NUP210L: variants seen among roughly 807,000 people sequenced by gnomAD.
The protein encoded by NUP210L is nuclear pore membrane glycoprotein 210-like.
NUP210L carries 74 observed loss-of-function variants against 208.5 expected under a neutral mutation model. That is an observed-to-expected ratio of 0.35 (90% CI 0.29 to 0.43). The LOEUF is 0.43. Among genes scored for constraint, NUP210L ranks in the 20% least tolerant of loss-of-function variants. NUP210L has a pLI of 1.00. For missense variants in NUP210L, 1,843 were observed against 2,289.4 expected, an observed-to-expected ratio of 0.81 and a Z score of 3.98; for synonymous variants, 780 against 816.9, an observed-to-expected ratio of 0.95 and a Z score of 0.77.
intron 26 of NUP210L, 41 bp downstream of exon 26, chr1:154,046,248 T>A: frequency 6.2e-7 from 1 of 1,614,100 alleles, no homozygotes; most frequent in Non-Finnish European, 8.5e-7. Flanking sequence ...CCAGTTGCAA[T>A]TATCAGAATA....
At chr1:154,118,947 A>T in intron 10 of NUP210L, 139 bp from the exon 11 acceptor site, 1 of 449,088 alleles carries the variant, frequency 2.2e-6, no homozygotes, top group Non-Finnish European at 3.9e-6. Flanking sequence ...GAAATAAATA[A>T]ATATTTCTCT....
intron 14 of NUP210L, among the ~76,000 whole-genome samples, chr1:154,098,491 T>A (rs1275903720): frequency 1.3e-5 from 2 of 152,146 alleles, no homozygotes; most frequent in East Asian, 3.9e-4. Flanking sequence ...CTTTATTGAG[T>A]AACAGAATAG....
chr1:154,109,319 G>T (rs1290413105), intron 12 of NUP210L, among the ~76,000 whole-genome samples: 1 of 151,468 alleles, frequency 6.6e-6, no homozygotes, highest in African/African-American at 2.5e-5. Context: ...AATGATAAAG[G>T]GGTCAATTCA....
chr1:154,082,285 C>T (rs1244302890), intron 16 of NUP210L, among the ~76,000 whole-genome samples: 1 of 152,114 alleles, frequency 6.6e-6, no homozygotes, highest in African/African-American at 2.4e-5. Context: ...GGGAACTGTG[C>T]CTTTAAAACC....
intron 2 of NUP210L, among the ~76,000 whole-genome samples, chr1:154,149,085 C>CTATTTTTTTTTTTTTT (rs1272589191): frequency 1.2e-5 from 1 of 84,218 alleles, no homozygotes; most frequent in Non-Finnish European, 2.4e-5. Context: ...CAGAAAACTT[C>CTATTTTTTTTTTTTTT]TCTTTTTTTT....
At chr1:154,116,944 C>T (rs1313490013) in intron 12 of NUP210L, among the ~76,000 whole-genome samples, 2 of 152,118 alleles carry the variant, frequency 1.3e-5, no homozygotes, top group Non-Finnish European at 2.9e-5. Flanking sequence ...TAAACACTAT[C>T]TCATTTAATC....
At chr1:154,022,248 C>T (rs1651607773) in exon 32 of NUP210L, 4 of 1,613,960 alleles carry the variant, frequency 2.5e-6, no homozygotes, top group Admixed American at 1.7e-5. Context: ...TGGATGTCTC[C>T]GGTCCCAAAG....
At chr1:154,130,641 G>A (rs1658203345) in intron 7 of NUP210L, among the ~76,000 whole-genome samples, 1 of 145,764 alleles carries the variant, frequency 6.9e-6, no homozygotes, top group Non-Finnish European at 1.5e-5. Flanking sequence ...GAGTGCAGTG[G>A]TACAATCACA....
intron 15 of NUP210L, among the ~76,000 whole-genome samples, chr1:154,093,011 C>G (rs1455067989): frequency 6.6e-6 from 1 of 152,150 alleles, no homozygotes; most frequent in Non-Finnish European, 1.5e-5. Context: ...AGGCGTGAGC[C>G]ACTGTGCCCA....
chr1:154,152,145 CTCT>C (rs896734438), intron 2 of NUP210L, among the ~76,000 whole-genome samples: 1 of 147,502 alleles, frequency 6.8e-6, no homozygotes, highest in Admixed American at 6.8e-5. Context: ...CTGCCTAATA[CTCT>C]TCATTTTTAT....
At chr1:154,037,097 G>A (rs760835381) in intron 27 of NUP210L, among the ~76,000 whole-genome samples, 1 of 152,086 alleles carries the variant, frequency 6.6e-6, no homozygotes, top group Non-Finnish European at 1.5e-5. Flanking sequence ...CTTGTTTTGT[G>A]GCCTGTCATA....
At chr1:154,082,958 C>A (rs942993909) in intron 16 of NUP210L, among the ~76,000 whole-genome samples, 3 of 152,174 alleles carry the variant, frequency 2.0e-5, no homozygotes, top group Non-Finnish European at 2.9e-5. Flanking sequence ...GTTCTTCATT[C>A]CTCCTGGTGG....
chr1:154,105,353 G>A (rs1656698195), intron 12 of NUP210L, among the ~76,000 whole-genome samples: 1 of 152,152 alleles, frequency 6.6e-6, no homozygotes, highest in South Asian at 2.1e-4. Context: ...AGCTGGGCGT[G>A]GTGGCGGGCA....
At position 154,024,907 on chromosome 1, in the gene NUP210L, A is replaced by C. The variant is rs115796818; in HGVS notation, c.4122+635T>G. The stretch of plus-strand genomic sequence containing the variant: ...AAGCTGCTAGGAAGACAATCATATA[A>C]ATTTAGGCTGATCTGTTTTTTTTTT... On this transcript the variant is annotated intron_variant, in intron 30 of 39. Transcript: ENST00000368559. Among the ~76,000 whole-genome samples, 713 of 148,872 alleles carry C rather than the reference A, an allele frequency of 4.8e-3. 10 individuals carry two copies. The highest frequency in any genetic ancestry group is 0.017 in the African/African-American group (675 of 40,566).
intron 33 of NUP210L, among the ~76,000 whole-genome samples, chr1:154,016,247 C>T (rs1319908665): frequency 6.6e-6 from 1 of 151,218 alleles, no homozygotes; most frequent in Admixed American, 6.6e-5. Context: ...CAGTGAGACA[C>T]TGTCTCTTAA....
intron 14 of NUP210L, among the ~76,000 whole-genome samples, 181 bp from the exon 15 acceptor site, chr1:154,095,337 C>T (rs1024751681): frequency 2.5e-4 from 38 of 152,184 alleles, no homozygotes. Flanking sequence ...TCCTACCTAT[C>T]ATTTGAACCT....
At chr1:154,143,527 T>C (rs1658961170) in exon 3 of NUP210L, 1 of 1,613,986 alleles carries the variant, frequency 6.2e-7, no homozygotes, top group Admixed American at 1.7e-5. Context: ...ACAATTTCAA[T>C]GCTGTTTATC....
chr1:154,155,004 C>G, exon 1 of NUP210L: 1 of 1,613,354 alleles, frequency 6.2e-7, no homozygotes, highest in Non-Finnish European at 8.5e-7. Context: ...GAAAAAGAGC[C>G]CGAAGCCTCG....
exon 27 of NUP210L, chr1:154,046,078 C>T (rs1197141529): frequency 1.9e-6 from 3 of 1,613,764 alleles, no homozygotes; most frequent in African/African-American, 2.7e-5. Context: ...CCTCTGAATG[C>T]CTGGGCACTA....
Sources: allele counts gnomAD v4.1 joint callset (sites outside exome capture counted in the v4.1 genomes callset), GRCh38; gene constraint gnomAD v4.1.1; transcripts MANE v1.5; gene names NCBI Gene and HGNC (gene_info 2026-07-23, HGNC 2026-07-21).